Variants in CALN1 observed in about 807,000 individuals in gnomAD.
CALN1 encodes calcium-binding protein 8.
In CALN1, 17 loss-of-function variants were observed where a neutral mutation model predicts 30.6. That is an observed-to-expected ratio of 0.56 (90% CI 0.38 to 0.83). The LOEUF (loss-of-function observed/expected upper bound fraction) is 0.83, where lower values mean the gene tolerates loss of function less well. Among genes scored for constraint, CALN1 ranks in the 40% least tolerant of loss-of-function variants. CALN1 has a pLI of 0.00. For missense variants in CALN1, 291 were observed against 354.9 expected, an observed-to-expected ratio of 0.82 and a Z score of 1.45; for synonymous variants, 156 against 131.4, an observed-to-expected ratio of 1.19 and a Z score of -1.28.
intron 4 of CALN1, among the ~76,000 whole-genome samples, chr7:72,026,437 T>C (rs1801059614): frequency 6.6e-6 from 1 of 151,822 alleles, no homozygotes. Context: ...AATACAATAA[T>C]TAGCTGGGTC....
intron 2 of CALN1, among the ~76,000 whole-genome samples, chr7:72,326,384 G>C (rs1026310581): frequency 6.6e-6 from 1 of 152,174 alleles, no homozygotes; most frequent in Non-Finnish European, 1.5e-5. Context: ...CTACATCTCT[G>C]TTTCTTCATC....
intron 5 of CALN1, among the ~76,000 whole-genome samples, chr7:71,902,771 CT>C (rs1793928492): frequency 6.6e-6 from 1 of 152,028 alleles, no homozygotes; most frequent in Admixed American, 6.6e-5. Flanking sequence ...GGAAAATGTG[CT>C]GTATATATAT....
At chr7:72,212,496 G>T (rs1313419061) in intron 3 of CALN1, among the ~76,000 whole-genome samples, 1 of 152,114 alleles carries the variant, frequency 6.6e-6, no homozygotes, top group Non-Finnish European at 1.5e-5. Flanking sequence ...TGCATTGGGG[G>T]TACCATAGAA....
At chr7:72,198,096 C>A (rs961603572) in intron 3 of CALN1, among the ~76,000 whole-genome samples, 2 of 151,918 alleles carry the variant, frequency 1.3e-5, no homozygotes, top group Non-Finnish European at 2.9e-5. Context: ...ATTCCAATTT[C>A]TTCTTAAATT....
chr7:72,329,175 T>C (rs1008790437), intron 2 of CALN1, among the ~76,000 whole-genome samples: 5 of 152,248 alleles, frequency 3.3e-5, no homozygotes, highest in Admixed American at 3.3e-4. Context: ...CATACTATAA[T>C]TGCAGTTTTG....
intron 3 of CALN1, among the ~76,000 whole-genome samples, chr7:72,273,970 A>G (rs1322077389): frequency 6.6e-6 from 1 of 152,224 alleles, no homozygotes; most frequent in Non-Finnish European, 1.5e-5. Context: ...TGGAAGACGT[A>G]GAGAAAAAGA....
intron 5 of CALN1, among the ~76,000 whole-genome samples, chr7:71,815,805 G>A (rs1465467522): frequency 8.3e-4 from 28 of 33,748 alleles, no homozygotes; most frequent in African/African-American, 2.9e-3. Flanking sequence ...CCACCCTCCC[G>A]CCCTCCCTTC....
chr7:72,325,240 G>T (rs1801188737), intron 2 of CALN1, among the ~76,000 whole-genome samples: 2 of 152,182 alleles, frequency 1.3e-5, no homozygotes, highest in Non-Finnish European at 2.9e-5. Flanking sequence ...TGAGGCTGCA[G>T]TGAGCCATGA....
chr7:72,338,525 G>GTGTCTGTCTGTCTGTC (rs1554378747), intron 2 of CALN1, among the ~76,000 whole-genome samples: 28 of 122,378 alleles, frequency 2.3e-4, no homozygotes, highest in African/African-American at 8.1e-4. Context: ...GTGTGTGTGT[G>GTGTCTGTCTGTCTGTC]TGTCTCACCT....
chr7:72,291,205 G>A (rs1798455903), intron 2 of CALN1, among the ~76,000 whole-genome samples: 1 of 152,178 alleles, frequency 6.6e-6, no homozygotes, highest in African/African-American at 2.4e-5. Flanking sequence ...TTACAGATGT[G>A]AGCCACTGCG....
chr7:72,399,945 T>C (rs376517908), intron 2 of CALN1, among the ~76,000 whole-genome samples: 3 of 152,172 alleles, frequency 2.0e-5, no homozygotes, highest in Admixed American at 1.3e-4. Context: ...GCATCTCTCT[T>C]GTTCCCTCTC....
At chr7:71,987,587 G>A (rs1798739955) in intron 5 of CALN1, among the ~76,000 whole-genome samples, 1 of 152,220 alleles carries the variant, frequency 6.6e-6, no homozygotes. Context: ...TTCAGGGTAG[G>A]CTTGTGAAAG....
At chr7:72,369,246 A>G (rs1056394426) in intron 2 of CALN1, among the ~76,000 whole-genome samples, 1 of 150,140 alleles carries the variant, frequency 6.7e-6, no homozygotes, top group African/African-American at 2.5e-5. Context: ...CACAATCAAC[A>G]TGGTAAACAC....
At chr7:72,347,412 A>G (rs1802705612) in intron 2 of CALN1, among the ~76,000 whole-genome samples, 1 of 152,028 alleles carries the variant, frequency 6.6e-6, no homozygotes, top group East Asian at 1.9e-4. Flanking sequence ...GATTACAGGC[A>G]TGTGCCATCA....
intron 3 of CALN1, among the ~76,000 whole-genome samples, chr7:72,129,663 A>G (rs1809005566): frequency 6.6e-6 from 1 of 152,178 alleles, no homozygotes; most frequent in Non-Finnish European, 1.5e-5. Context: ...GGTAGCTAGG[A>G]GTGTAAATAA....
chr7:71,804,519 T>G (rs534625330), intron 6 of CALN1, among the ~76,000 whole-genome samples: 1 of 152,220 alleles, frequency 6.6e-6, no homozygotes, highest in Admixed American at 6.5e-5. Context: ...TTTATTAAAA[T>G]AAATAAATAA....
rs542538513 is a variant in CALN1, at chr7:71,926,821, AT to A, written c.501+96835del. Among the ~76,000 whole-genome samples, 99 of 151,960 alleles carry A rather than the reference AT, an allele frequency of 6.5e-4. 1 individual carries two copies. Among genetic ancestry groups the A allele is most frequent in the African/African-American group, 2.3e-3 (94 of 41,444 alleles). On this transcript the variant is annotated intron_variant, in intron 5 of 6. Coordinates refer to ENST00000395275, the MANE Select transcript of CALN1 (RefSeq NM_031468.4). ...AGTCATTTTTCATCTCTGTTATTGTATTTTTTATTTCTAAGATTTTCTTTAG... is the reference window on the plus strand; with the variant it reads ...AGTCATTTTTCATCTCTGTTATTGTATTTTTATTTCTAAGATTTTCTTTAG...
At chr7:72,260,830 C>A (rs750367868) in intron 3 of CALN1, among the ~76,000 whole-genome samples, 22 of 152,096 alleles carry the variant, frequency 1.4e-4, no homozygotes, top group Non-Finnish European at 1.2e-4. Flanking sequence ...TCCAAAGTGC[C>A]CTACAAATTG....
chr7:72,273,856 G>T (rs1797166466), intron 3 of CALN1, among the ~76,000 whole-genome samples: 1 of 151,632 alleles, frequency 6.6e-6, no homozygotes, highest in South Asian at 2.1e-4. Context: ...CAAATACTGA[G>T]CCTACAAAAA....
Sources: gnomAD v4.1 joint callset for allele counts (sites outside exome capture counted in the v4.1 genomes callset) on GRCh38, gnomAD v4.1.1 for gene constraint, MANE v1.5 for transcripts, NCBI Gene and HGNC (gene_info 2026-07-23, HGNC 2026-07-21) for gene names.